The following RASGRF1 variants were observed in gnomAD, a reference collection of about 807,000 sequenced individuals.
The protein encoded by RASGRF1 is Ras protein specific guanine nucleotide releasing factor 1.
Under a neutral mutation model 138.7 loss-of-function variants are expected in RASGRF1, and 40 were observed. The observed-to-expected ratio is 0.29, with a 90% CI of 0.22 to 0.38. RASGRF1 has a LOEUF of 0.38. Among genes scored for constraint, RASGRF1 ranks in the 10% least tolerant of loss-of-function variants. The pLI, the probability that RASGRF1 is intolerant of heterozygous loss-of-function variation, is 1.00. For missense variants in RASGRF1, 1,108 were observed against 1,650.4 expected, an observed-to-expected ratio of 0.67 and a Z score of 5.69; for synonymous variants, 614 against 663.2, an observed-to-expected ratio of 0.93 and a Z score of 1.14.
At chr15:79,069,484 A>T (rs1331119025) in intron 1 of RASGRF1, among the ~76,000 whole-genome samples, 3 of 152,176 alleles carry the variant, frequency 2.0e-5, no homozygotes, top group Non-Finnish European at 2.9e-5. Flanking sequence ...AAATAAGTGG[A>T]GCCCTGGGAG....
At chr15:78,971,312 C>T (rs904112431) in intron 26 of RASGRF1, among the ~76,000 whole-genome samples, 1 of 152,068 alleles carries the variant, frequency 6.6e-6, no homozygotes, top group Non-Finnish European at 1.5e-5. Flanking sequence ...TTCTCTGCAG[C>T]TGTAAGAAAG....
At chr15:79,060,178 A>G (rs1305326841) in intron 2 of RASGRF1, among the ~76,000 whole-genome samples, 1 of 152,162 alleles carries the variant, frequency 6.6e-6, no homozygotes, top group Non-Finnish European at 1.5e-5. Flanking sequence ...AGGATGGCTG[A>G]TGATGATGTT....
intron 26 of RASGRF1, among the ~76,000 whole-genome samples, chr15:78,964,823 G>A (rs1261960266): frequency 4.6e-5 from 7 of 152,050 alleles, no homozygotes; most frequent in Non-Finnish European, 8.8e-5. Context: ...TTGTGTGATC[G>A]TCTCGTTCTT....
intron 10 of RASGRF1, among the ~76,000 whole-genome samples, chr15:79,022,097 G>A (rs991927773): frequency 4.6e-5 from 7 of 152,188 alleles, no homozygotes; most frequent in South Asian, 2.1e-4. Context: ...GCTGGGATTT[G>A]AGTTGATTTC....
chr15:79,006,048 G>A lies in RASGRF1; in HGVS notation c.2075+138C>T, dbSNP rs1406249422. The A allele has an allele frequency of 2.8e-5, 36 of 1,266,114 alleles. 1 individual carries two copies. The South Asian group carries it at 4.9e-4, about 17-fold the overall frequency. The allele number at this position is 1,266,114 out of a possible 1,614,324, so 78.4% of individuals were successfully genotyped here. ...TGGGGAGAGGGGGCAGTGGCGGTGT[G>A]TGTCCCGCAGCACCCCAACACGTTA... On this transcript the variant is annotated intron_variant, in intron 14 of 26. Transcript: ENST00000558480. This position sits in a 1 kb window ranked among gnomAD's most constrained non-coding sequence, Gnocchi z 4.0.
At chr15:78,984,656 A>T (rs1354958777) in intron 23 of RASGRF1, 1 of 301,310 alleles carries the variant, frequency 3.3e-6, no homozygotes, top group Non-Finnish European at 6.5e-6. Flanking sequence ...CTCTGATGGA[A>T]GGGTCATCTG....
Position 78,999,852 on chromosome 15 carries a change from A to G in RASGRF1, c.2637T>C (p.Asn879=). The stretch of plus-strand genomic sequence containing the variant: ...AGGCGGCCGACAAGGCACTGCGGTT[A>G]TTGTCCAGTTCACGACAGGAGGTCA... ...VVMTSCRELD[N]NRSALSAASA... The change falls in exon 17 of 27, where the codon AAT becomes AAC. Residue 879 remains asparagine (N), a synonymous_variant. Transcript: ENST00000558480. The G allele has an allele frequency of 6.2e-7, 1 of 1,614,152 alleles. No individual in the cohort carries two copies. The highest frequency in any genetic ancestry group is 8.5e-7 in the Non-Finnish European group (1 of 1,179,988).
intron 1 of RASGRF1, among the ~76,000 whole-genome samples, chr15:79,089,470 CTA>C (rs1321942709): frequency 1.3e-5 from 2 of 152,244 alleles, no homozygotes; most frequent in African/African-American, 4.8e-5. Context: ...GAGCGCAGCG[CTA>C]TAGCCGCGAC....
chr15:78,968,563 C>T (rs921775217), intron 26 of RASGRF1, among the ~76,000 whole-genome samples: 4 of 152,068 alleles, frequency 2.6e-5, no homozygotes, highest in Non-Finnish European at 5.9e-5. Context: ...GATTTACAGG[C>T]ATGAGCCACT....
intron 26 of RASGRF1, among the ~76,000 whole-genome samples, chr15:78,966,193 CAA>C (rs1246516775): frequency 6.6e-6 from 1 of 150,672 alleles, no homozygotes; most frequent in African/African-American, 2.4e-5. Flanking sequence ...CCCGAAAACT[CAA>C]AGTTTCCCTA....
In RASGRF1 at chr15:79,073,685, G is replaced by A. The variant is rs2141084760; in HGVS notation, c.277-9159C>T. The stretch of plus-strand genomic sequence containing the variant: ...CATGGGGACAAGACTGGCTGCCCTG[G>A]AACACCTGGATTCCACCTCTTCTCA... On this transcript the variant is annotated intron_variant, in intron 1 of 26. Coordinates refer to ENST00000558480, the MANE Select transcript of RASGRF1 (RefSeq NM_001145648.3). This position sits in a 1 kb window ranked among gnomAD's most constrained non-coding sequence, Gnocchi z 4.2. Among the ~76,000 whole-genome samples the A allele has an allele frequency of 6.6e-6, 1 of 152,292 alleles. No individual in the cohort carries two copies. The highest frequency in any genetic ancestry group is 2.4e-5 in the African/African-American group (1 of 41,546).
rs57956576 is a variant in RASGRF1 at position 79,061,413 on chromosome 15, A to AATATATATATATAT, written c.384-2946_384-2933dup. Among the ~76,000 whole-genome samples, 1,149 of 116,970 alleles carry AATATATATATATAT rather than the reference A, an allele frequency of 9.8e-3. 39 individuals carry two copies. The highest frequency in any genetic ancestry group is 0.035 in the African/African-American group (993 of 28,700). 76.7% of individuals were successfully genotyped at this position (116,970 alleles called of 152,430 possible). A position where few individuals can be genotyped will look rare whatever the true frequency, so the allele number is the denominator to read the frequency against. ...TAGAAAATTAGAACACTATCTTTAA[A>AATATATATATATAT]ATATATATATATATATATCATTCAT... On this transcript the variant is annotated intron_variant, in intron 2 of 26. Coordinates refer to ENST00000558480, the MANE Select transcript of RASGRF1 (RefSeq NM_001145648.3).
intron 20 of RASGRF1, among the ~76,000 whole-genome samples, chr15:78,992,643 A>G (rs952291721): frequency 6.6e-6 from 1 of 152,180 alleles, no homozygotes; most frequent in African/African-American, 2.4e-5. Context: ...CACCTGGGCC[A>G]CACAGGAGGA....
intron 15 of RASGRF1, among the ~76,000 whole-genome samples, chr15:79,002,258 T>A (rs765549390): frequency 6.6e-6 from 1 of 152,152 alleles, no homozygotes; most frequent in Non-Finnish European, 1.5e-5. Context: ...GTGCCCCTGG[T>A]CACTCTTAAA....
At chr15:79,074,917 G>A (rs1025011768) in intron 1 of RASGRF1, among the ~76,000 whole-genome samples, 2 of 152,162 alleles carry the variant, frequency 1.3e-5, no homozygotes, top group African/African-American at 2.4e-5. Context: ...TGGATAACCT[G>A]ATTTGAGATT....
At chr15:79,020,309 G>A (rs2056942454) in intron 10 of RASGRF1, among the ~76,000 whole-genome samples, 1 of 152,248 alleles carries the variant, frequency 6.6e-6, no homozygotes, top group African/African-American at 2.4e-5. Flanking sequence ...TCAATGAAGT[G>A]GGTCAAAGGA....
chr15:79,001,820 CTTAA>C (rs774227946), intron 15 of RASGRF1, 33 bp from the exon 16 acceptor site: 2 of 1,306,114 alleles, frequency 1.5e-6, no homozygotes, highest in Admixed American at 5.5e-5. Context: ...TTTTACTTTT[CTTAA>C]TTTTAATTTT....
intron 13 of RASGRF1, among the ~76,000 whole-genome samples, chr15:79,014,971 C>CA (rs950612494): frequency 6.6e-6 from 1 of 150,378 alleles, no homozygotes; most frequent in African/African-American, 2.4e-5. Context: ...CAAAACAAAA[C>CA]AAAAAAAGGC....
In RASGRF1 at chr15:79,031,393, G is replaced by T; in HGVS notation, c.1262+7C>A. 1 of 1,590,066 alleles carries T rather than the reference G, an allele frequency of 6.3e-7. No homozygotes were observed. Among genetic ancestry groups the T allele is most frequent in the Non-Finnish European group, 8.6e-7 (1 of 1,163,382 alleles). On this transcript the variant is annotated splice_region_variant and intron_variant, in intron 8 of 26. Coordinates refer to ENST00000558480, the MANE Select transcript of RASGRF1 (RefSeq NM_001145648.3). Reference sequence around the variant, plus strand: ...CCGGTCTGGTGCACTGAAGAGCCAGGCCTCACCTGGACAGCTCCTCCAGTT... The same window carrying T: ...CCGGTCTGGTGCACTGAAGAGCCAGTCCTCACCTGGACAGCTCCTCCAGTT...
Sources: gnomAD v4.1 joint callset for allele counts (sites outside exome capture counted in the v4.1 genomes callset) on GRCh38, gnomAD v4.1.1 for gene constraint, Gnocchi (gnomAD v3.1) non-coding constraint, MANE v1.5 for transcripts, NCBI Gene and HGNC (gene_info 2026-07-23, HGNC 2026-07-21) for gene names.